Variants in CSPP1 observed in about 807,000 individuals in gnomAD.
The protein encoded by CSPP1 is centrosome and spindle pole-associated protein 1.
In CSPP1, 126 loss-of-function variants were observed where a neutral mutation model predicts 164.4. That is an observed-to-expected ratio of 0.77 (90% CI 0.66 to 0.89). The LOEUF is 0.89. Among genes scored for constraint, CSPP1 ranks in the 40% least tolerant of loss-of-function variants. The pLI is 0.00. For synonymous variants in CSPP1, 472 were observed against 476.7 expected (o/e 0.99, Z 0.13); for missense variants, 1,395 against 1,449.8 (o/e 0.96, Z 0.61).
At chr8:67,152,849 C>T (rs1043612592) in intron 18 of CSPP1, among the ~76,000 whole-genome samples, 10 of 152,184 alleles carry the variant, frequency 6.6e-5, no homozygotes, top group African/African-American at 2.2e-4. Context: ...CAAAATAGAC[C>T]TGAGTGGTAG....
intron 21 of CSPP1, among the ~76,000 whole-genome samples, chr8:67,160,804 G>GT (rs1200868530): frequency 6.6e-6 from 1 of 151,478 alleles, no homozygotes; most frequent in Non-Finnish European, 1.5e-5. Context: ...CCTAATCTGA[G>GT]TTATAATCTT....
chr8:67,065,780 C>T (rs1805422254), intron 1 of CSPP1, among the ~76,000 whole-genome samples: 1 of 152,174 alleles, frequency 6.6e-6, no homozygotes, highest in Admixed American at 6.5e-5. Flanking sequence ...CCGTTTGCCT[C>T]GGCTTCCCAA....
chr8:67,073,769 A>G (rs755377048), intron 1 of CSPP1, among the ~76,000 whole-genome samples: 12 of 152,192 alleles, frequency 7.9e-5, no homozygotes, highest in Non-Finnish European at 1.3e-4. Context: ...GTTTGTGTGT[A>G]TGGAGAGAAT....
At chr8:67,139,781 G>T (rs1486252676) in intron 17 of CSPP1, among the ~76,000 whole-genome samples, 2 of 152,076 alleles carry the variant, frequency 1.3e-5, no homozygotes, top group Non-Finnish European at 2.9e-5. Flanking sequence ...CTCATAGGTG[G>T]GAATTGAACA....
rs1464611032 is a variant in CSPP1, at chr8:67,196,084, C to CTGA, written c.*493_*495dup. ...TATTATTTCATGTCATTTGTAGCTA[C>CTGA]TGATACAGCAGAAATGAAGGGAACT... is the stretch of plus-strand genomic sequence containing the variant. On this transcript the variant is annotated 3_prime_UTR_variant, in exon 31 of 31. Transcript: ENST00000678616. The CTGA allele has an allele frequency of 1.3e-5, 2 of 153,826 alleles. No individual in the cohort carries two copies. Among genetic ancestry groups the CTGA allele is most frequent in the Non-Finnish European group, 2.9e-5 (2 of 69,278 alleles). 9.5% of individuals were successfully genotyped at this position (153,826 alleles called of 1,614,324 possible).
intron 28 of CSPP1, among the ~76,000 whole-genome samples, chr8:67,183,478 A>C (rs1218668597): frequency 6.6e-6 from 1 of 152,218 alleles, no homozygotes; most frequent in Non-Finnish European, 1.5e-5. Flanking sequence ...ATAAACTAGA[A>C]ATCAATAACA....
At chr8:67,173,953 T>G (rs1003339562) in intron 25 of CSPP1, 1 of 152,226 alleles carries the variant, frequency 6.6e-6, no homozygotes, top group Admixed American at 6.5e-5. Context: ...TCTTTGAAGC[T>G]AGCAAAATGT....
intron 24 of CSPP1, among the ~76,000 whole-genome samples, chr8:67,171,940 T>G (rs189863901): frequency 2.1e-4 from 32 of 152,050 alleles, no homozygotes; most frequent in African/African-American, 6.0e-4. Context: ...CTCCACCTCT[T>G]GGGTTCAAGT....
intron 22 of CSPP1, among the ~76,000 whole-genome samples, chr8:67,162,398 G>A (rs1414388672): frequency 4.6e-5 from 7 of 152,182 alleles, no homozygotes; most frequent in African/African-American, 1.7e-4. Context: ...AGGAGGTGGA[G>A]GTCAGAACAT....
At chr8:67,075,224 AGTGTT>A (rs1159985622) in intron 2 of CSPP1, among the ~76,000 whole-genome samples, 1 of 152,202 alleles carries the variant, frequency 6.6e-6, no homozygotes, top group Admixed American at 6.5e-5. Context: ...CACTGATTAG[AGTGTT>A]GTGGCACCTT....
At position 67,081,014 on chromosome 8, in the gene CSPP1, C is replaced by T. The variant is rs187703498; in HGVS notation, c.199+4433C>T. 3.9e-3 allele frequency: 592 copies of T among 152,312 alleles called. 3 individuals are homozygous for T. The highest frequency in any genetic ancestry group is 0.014 in the African/African-American group (563 of 41,560). 9.4% of individuals were successfully genotyped at this position (152,312 alleles called of 1,614,324 possible). ...TAGGCCTGGCTGATGTCACATGGCG[C>T]AAAGGCCCAACCCTCAAATCACATG... is the stretch of plus-strand genomic sequence containing the variant. On this transcript the variant is annotated intron_variant, in intron 3 of 30. Coordinates refer to ENST00000678616, the MANE Select transcript of CSPP1 (RefSeq NM_001382391.1).
chr8:67,155,475 T>C (rs567916215), intron 19 of CSPP1, among the ~76,000 whole-genome samples: 147 of 152,316 alleles, frequency 9.7e-4, no homozygotes, highest in Non-Finnish European at 1.7e-3. Context: ...AATAAGGCAG[T>C]GACGTAATGG....
intron 9 of CSPP1, among the ~76,000 whole-genome samples, chr8:67,107,081 T>C (rs1815722562): frequency 6.6e-6 from 1 of 151,986 alleles, no homozygotes; most frequent in South Asian, 2.1e-4. Flanking sequence ...TGAGTTTCGC[T>C]CTATCACTGA....
At chr8:67,147,452 A>C (rs1362979955) in intron 17 of CSPP1, among the ~76,000 whole-genome samples, 1 of 152,148 alleles carries the variant, frequency 6.6e-6, no homozygotes, top group African/African-American at 2.4e-5. Flanking sequence ...TTCCTTTACC[A>C]TATAAAACAC....
intron 15 of CSPP1, among the ~76,000 whole-genome samples, chr8:67,119,591 G>C (rs556763006): frequency 6.6e-6 from 1 of 152,150 alleles, no homozygotes; most frequent in African/African-American, 2.4e-5. Context: ...ATTCTAATGA[G>C]TGTAAGATGG....
intron 24 of CSPP1, among the ~76,000 whole-genome samples, chr8:67,166,066 A>G (rs775855233): frequency 5.3e-5 from 8 of 152,104 alleles, no homozygotes; most frequent in Non-Finnish European, 7.4e-5. Context: ...AATTGTTCCA[A>G]CTTTGGCCAT....
intron 28 of CSPP1, among the ~76,000 whole-genome samples, chr8:67,180,853 C>A (rs1832828742): frequency 6.6e-6 from 1 of 151,562 alleles, no homozygotes; most frequent in African/African-American, 2.4e-5. Context: ...ACCATGGGAT[C>A]TTCTTTTTTT....
Position 67,113,785 on chromosome 8 carries a change from A to G in CSPP1, c.1188-20A>G. The G allele has an allele frequency of 7.1e-7, 1 of 1,411,258 alleles. No homozygotes were observed. The highest frequency in any genetic ancestry group is 9.8e-7 in the Non-Finnish European group (1 of 1,018,174). 87.4% of individuals were successfully genotyped at this position (1,411,258 alleles called of 1,614,324 possible). On this transcript the variant is annotated intron_variant, in intron 10 of 30. Coordinates refer to ENST00000678616, the MANE Select transcript of CSPP1 (RefSeq NM_001382391.1). ...AGTTTACTATATCTTTTTAATATGT[A>G]AAACTTTAATTTTGTTTAGAGAAAA... is the stretch of plus-strand genomic sequence containing the variant.
chr8:67,177,091 A>G (rs1362259097), intron 26 of CSPP1, among the ~76,000 whole-genome samples: 2 of 151,988 alleles, frequency 1.3e-5, no homozygotes, highest in African/African-American at 2.4e-5. Context: ...AAAAAAAAAA[A>G]AAGAATATGG....
Sources: gnomAD v4.1 joint callset for allele counts (sites outside exome capture counted in the v4.1 genomes callset) on GRCh38, gnomAD v4.1.1 for gene constraint, MANE v1.5 for transcripts, NCBI Gene and HGNC (gene_info 2026-07-23, HGNC 2026-07-21) for gene names.